The following PPP1R12B variants were observed in gnomAD, a reference collection of about 807,000 sequenced individuals.
The protein encoded by PPP1R12B is myosin phosphatase target subunit 2.
PPP1R12B carries 76 observed loss-of-function variants against 126.1 expected under a neutral mutation model. The observed-to-expected ratio is 0.60, with a 90% CI of 0.50 to 0.73. PPP1R12B has a LOEUF of 0.73. Ranked by LOEUF, PPP1R12B falls within the 30% of genes least tolerant of loss-of-function variation. The pLI, the probability that PPP1R12B is intolerant of heterozygous loss-of-function variation, is 0.00. For missense variants in PPP1R12B, 1,052 were observed against 1,205.1 expected, an observed-to-expected ratio of 0.87 and a Z score of 1.88; for synonymous variants, 356 against 434.7, an observed-to-expected ratio of 0.82 and a Z score of 2.25.
intron 1 of PPP1R12B, among the ~76,000 whole-genome samples, chr1:202,395,637 A>C (rs1218469200): frequency 1.3e-5 from 2 of 152,196 alleles, no homozygotes; most frequent in African/African-American, 4.8e-5. Context: ...ATAATGTGGA[A>C]TTGCTAGTTC....
At chr1:202,467,404 G>C (rs1486037443) in intron 13 of PPP1R12B, among the ~76,000 whole-genome samples, 3 of 151,576 alleles carry the variant, frequency 2.0e-5, no homozygotes, top group Non-Finnish European at 2.9e-5. Context: ...GCCCCAGTGT[G>C]TGATGTTCCC....
At chr1:202,367,795 C>T (rs1228370362) in intron 1 of PPP1R12B, among the ~76,000 whole-genome samples, 26 of 151,990 alleles carry the variant, frequency 1.7e-4, no homozygotes, top group Non-Finnish European at 1.5e-5. Context: ...ACGTATACAA[C>T]CATGTAACCA....
chr1:202,491,463 A>G (rs1404151383), intron 14 of PPP1R12B, among the ~76,000 whole-genome samples: 4 of 152,122 alleles, frequency 2.6e-5, no homozygotes, highest in Non-Finnish European at 5.9e-5. Flanking sequence ...TTTTTTGGTA[A>G]TAGCCACCCT....
In PPP1R12B at chr1:202,511,708, T is replaced by C. The variant is rs563591276; in HGVS notation, c.2490+14886T>C. ...GGCTCCAACTCCATCCAATTTGCTA[T>C]GAATGTCATTATTTCATTCCTTTTT... On this transcript the variant is annotated intron_variant, in intron 18 of 23. Transcript: ENST00000608999. Among the ~76,000 whole-genome samples, 7 of 152,216 alleles carry C rather than the reference T, an allele frequency of 4.6e-5. No individual in the cohort carries two copies. The East Asian group carries it at 1.4e-3, about 29-fold the overall frequency.
intron 15 of PPP1R12B, 23 bp downstream of exon 15, chr1:202,493,340 G>C (rs780370355): frequency 6.2e-7 from 1 of 1,604,620 alleles, no homozygotes; most frequent in African/African-American, 1.3e-5. Flanking sequence ...TTGCTGGCAT[G>C]TACTGTGCTA....
chr1:202,531,478 T>C (rs1391825767), intron 18 of PPP1R12B, among the ~76,000 whole-genome samples: 1 of 152,202 alleles, frequency 6.6e-6, no homozygotes, highest in Non-Finnish European at 1.5e-5. Flanking sequence ...GTACTTTGTA[T>C]ATCCCTATCC....
chr1:202,482,050 G>A (rs1677458020), intron 13 of PPP1R12B, among the ~76,000 whole-genome samples: 1 of 151,582 alleles, frequency 6.6e-6, no homozygotes, highest in Non-Finnish European at 1.5e-5. Context: ...GTTCATCTGT[G>A]TTGTTGCAAA....
At chr1:202,558,017 G>A (rs889532594) in intron 18 of PPP1R12B, among the ~76,000 whole-genome samples, 2 of 152,044 alleles carry the variant, frequency 1.3e-5, no homozygotes, top group Non-Finnish European at 2.9e-5. Context: ...TAGATTATTG[G>A]ACCTTTGCTT....
Position 202,363,668 on chromosome 1 carries a change from G to A in PPP1R12B, c.291+14526G>A, listed in dbSNP as rs182316020. Among the ~76,000 whole-genome samples, 1,020 of 152,240 alleles carry A rather than the reference G, an allele frequency of 6.7e-3. 10 individuals are homozygous for A. Among genetic ancestry groups the A allele is most frequent in the African/African-American group, 0.023 (958 of 41,548 alleles). The stretch of plus-strand genomic sequence containing the variant: ...AGAGTTGCAGGACTGTCAGATATGC[G>A]TTTGTTTTATTAGAAGATTATGAAG... On this transcript the variant is annotated intron_variant, in intron 1 of 23. Transcript: ENST00000608999.
chr1:202,416,750 A>C (rs1444877675), intron 1 of PPP1R12B, 37 bp from the exon 2 acceptor site: 4 of 1,599,928 alleles, frequency 2.5e-6, no homozygotes, highest in Middle Eastern at 3.3e-4. Flanking sequence ...AACTCAATGA[A>C]TACTTGTTGA....
At chr1:202,371,858 CTTTTTTTT>C (rs1193939057) in intron 1 of PPP1R12B, among the ~76,000 whole-genome samples, 2 of 75,342 alleles carry the variant, frequency 2.7e-5, no homozygotes, top group Non-Finnish European at 5.0e-5. Flanking sequence ...ATTATAGTTT[CTTTTTTTT>C]TTTTTTTTTT....
intron 13 of PPP1R12B, among the ~76,000 whole-genome samples, chr1:202,485,518 C>T (rs948183112): frequency 1.3e-5 from 2 of 152,110 alleles, no homozygotes; most frequent in African/African-American, 4.8e-5. Flanking sequence ...CAGAGGGACT[C>T]TCCTATAGCA....
chr1:202,433,764 A>T (rs1434473627), intron 8 of PPP1R12B, among the ~76,000 whole-genome samples: 1 of 152,224 alleles, frequency 6.6e-6, no homozygotes, highest in African/African-American at 2.4e-5. Flanking sequence ...GGAAGCTGAA[A>T]GGAAATGGGC....
intron 1 of PPP1R12B, among the ~76,000 whole-genome samples, chr1:202,375,570 A>G (rs1661043874): frequency 6.6e-6 from 1 of 152,020 alleles, no homozygotes; most frequent in African/African-American, 2.4e-5. Flanking sequence ...TTTTCCCTTT[A>G]TATCTTTTCC....
intron 1 of PPP1R12B, among the ~76,000 whole-genome samples, chr1:202,385,037 A>G (rs1662910793): frequency 6.6e-6 from 1 of 152,146 alleles, no homozygotes; most frequent in Admixed American, 6.5e-5. Flanking sequence ...GTGTGATGCT[A>G]TTTGCAAATG....
In PPP1R12B at chr1:202,416,845, T is replaced by A. The variant is rs772824243; in HGVS notation, c.350T>A (p.Val117Glu). ...VKFLVENRAN[V>E]NQQDNEGWTP... ...TTTCTGGTGGAGAACAGAGCCAATG[T>A]AAACCAGCAAGACAACGAGGGCTGG... Residue 117 changes from valine (V) to glutamate (E), a missense_variant, in exon 2 of 24, where the codon GTA (valine) becomes GAA (glutamate). Val to Glu is a moderately radical substitution (Grantham distance 121). Coordinates refer to ENST00000608999, the MANE Select transcript of PPP1R12B (RefSeq NM_002481.4). 1.2e-6 allele frequency: 2 copies of A among 1,614,108 alleles called. No individual in the cohort carries two copies. The highest frequency in any genetic ancestry group is 2.2e-5 in the South Asian group (2 of 91,082).
intron 18 of PPP1R12B, among the ~76,000 whole-genome samples, chr1:202,499,968 T>A (rs1322636153): frequency 6.6e-6 from 1 of 152,098 alleles, no homozygotes; most frequent in East Asian, 1.9e-4. Context: ...AGACAAAAAA[T>A]AACAAAACCT....
Position 202,416,696 on chromosome 1 carries a change from G to C in PPP1R12B, c.292-91G>C, listed in dbSNP as rs544826905. 9.9e-6 allele frequency: 11 copies of C among 1,110,082 alleles called. No individual in the cohort carries two copies. The East Asian group carries it at 2.6e-4, about 27-fold the overall frequency. 68.8% of individuals were successfully genotyped at this position (1,110,082 alleles called of 1,614,324 possible). A position where few individuals can be genotyped will look rare whatever the true frequency, so the allele number is the denominator to read the frequency against. On this transcript the variant is annotated intron_variant, in intron 1 of 23. Coordinates refer to ENST00000608999, the MANE Select transcript of PPP1R12B (RefSeq NM_002481.4). ...TAGAAATTAATGTATTATTAGAACT[G>C]CTGGGCATTGTCAGTGCCCAGAGCA...
chr1:202,365,342 T>A (rs188013443), intron 1 of PPP1R12B, among the ~76,000 whole-genome samples: 1 of 151,784 alleles, frequency 6.6e-6, no homozygotes, highest in East Asian at 1.9e-4. Flanking sequence ...CTCAGGAGGC[T>A]GAGGCAGGAA....
Sources: allele counts gnomAD v4.1 joint callset (sites outside exome capture counted in the v4.1 genomes callset), GRCh38; gene constraint gnomAD v4.1.1; transcripts MANE v1.5; gene names NCBI Gene and HGNC (gene_info 2026-07-23, HGNC 2026-07-21).